PCDHA8: variants seen among roughly 807,000 people sequenced by gnomAD.
PCDHA8 encodes the protein protocadherin alpha 8.
PCDHA8 carries 53 observed loss-of-function variants against 61.8 expected under a neutral mutation model. The observed-to-expected ratio is 0.86, with a 90% CI of 0.69 to 1.08. PCDHA8 has a LOEUF of 1.08. Among genes scored for constraint, PCDHA8 ranks in the 50% least tolerant of loss-of-function variants. The pLI, the probability that PCDHA8 is intolerant of heterozygous loss-of-function variation, is 0.00. For missense variants in PCDHA8, 1,293 were observed against 1,245.0 expected, an observed-to-expected ratio of 1.04 and a Z score of -0.58; for synonymous variants, 618 against 556.6, an observed-to-expected ratio of 1.11 and a Z score of -1.55.
intron 1 of PCDHA8, among the ~76,000 whole-genome samples, chr5:140,977,960 A>G (rs760810328): frequency 9.2e-5 from 14 of 152,142 alleles, no homozygotes; most frequent in Non-Finnish European, 1.3e-4. Flanking sequence ...GGCCACCTCA[A>G]TCTCCGCCCA....
intron 1 of PCDHA8, among the ~76,000 whole-genome samples, chr5:140,887,995 G>A (rs537858803): frequency 8.5e-5 from 13 of 152,066 alleles, no homozygotes; most frequent in South Asian, 6.2e-4. Context: ...TGTCTCCACC[G>A]AATAGTCATC....
chr5:140,855,802 G>C (rs1329894390), intron 1 of PCDHA8: 4 of 477,838 alleles, frequency 8.4e-6, no homozygotes, highest in Non-Finnish European at 1.5e-5. Context: ...ACATATGAAT[G>C]AAAGAAAAGT....
chr5:140,927,946 G>A (rs1341193072), intron 1 of PCDHA8: 1 of 1,614,096 alleles, frequency 6.2e-7, no homozygotes, highest in East Asian at 2.2e-5. Context: ...AGTACCTGAG[G>A]ACGCTGCCCC....
intron 1 of PCDHA8, chr5:140,869,097 G>T (rs1344358126): frequency 1.3e-6 from 2 of 1,595,318 alleles, no homozygotes; most frequent in Non-Finnish European, 1.7e-6. Flanking sequence ...AGCCAATTTC[G>T]TATGCGATGT....
chr5:140,977,630 C>T (rs2096769145), intron 1 of PCDHA8, among the ~76,000 whole-genome samples: 1 of 152,148 alleles, frequency 6.6e-6, no homozygotes, highest in African/African-American at 2.4e-5. Flanking sequence ...AGAGTTGTAA[C>T]TTTTTCTGGG....
At chr5:140,888,956 G>A (rs1043287613) in intron 1 of PCDHA8, among the ~76,000 whole-genome samples, 1 of 151,722 alleles carries the variant, frequency 6.6e-6, no homozygotes, top group Non-Finnish European at 1.5e-5. Context: ...TTTTTCTTTG[G>A]CAATGTTAAT....
intron 1 of PCDHA8, chr5:140,884,448 CCACCGAGGGCGCGTGCGCGCCGGG>C (rs1244657512): frequency 1.9e-6 from 3 of 1,613,716 alleles, no homozygotes; most frequent in Non-Finnish European, 2.5e-6. Context: ...TCGGCACCGC[CCACCGAGGGCGCGTGCGCGCCGGG>C]CAAGCCCACT....
At chr5:140,918,853 C>T (rs1348069562) in intron 1 of PCDHA8, among the ~76,000 whole-genome samples, 4 of 152,134 alleles carry the variant, frequency 2.6e-5, no homozygotes, top group Non-Finnish European at 5.9e-5. Context: ...CTGCTGGTGC[C>T]TGAATCATGA....
At chr5:140,912,292 C>A (rs527420621) in intron 1 of PCDHA8, among the ~76,000 whole-genome samples, 13 of 152,184 alleles carry the variant, frequency 8.5e-5, no homozygotes, top group Non-Finnish European at 1.8e-4. Context: ...CAATACTTTG[C>A]CTCCTGTAAT....
At chr5:140,924,839 G>A (rs1049952478) in intron 1 of PCDHA8, among the ~76,000 whole-genome samples, 3 of 150,922 alleles carry the variant, frequency 2.0e-5, no homozygotes, top group Non-Finnish European at 4.4e-5. Context: ...AGGTTGCAGG[G>A]AGCTCAGATC....
At position 140,846,681 on chromosome 5, in the gene PCDHA8, C is replaced by T. The variant is rs1425082989; in HGVS notation, c.2394+2966C>T. Reference sequence around the variant, plus strand: ...GAGCCACCGCGCCCAGCCTAAAATGCTTTCTTAGCAAGTAGAGAAGATTGT... The same window carrying T: ...GAGCCACCGCGCCCAGCCTAAAATGTTTTCTTAGCAAGTAGAGAAGATTGT... On this transcript the variant is annotated intron_variant, in intron 1 of 3. Coordinates refer to ENST00000531613, the MANE Select transcript of PCDHA8 (RefSeq NM_018911.3). Among the ~76,000 whole-genome samples, 2 of 149,174 alleles carry T rather than the reference C, an allele frequency of 1.3e-5. 1 individual carries two copies. The highest frequency in any genetic ancestry group is 1.3e-4 in the Admixed American group (2 of 14,874).
chr5:140,966,893 C>CA (rs1554228863), intron 1 of PCDHA8: 3 of 1,595,686 alleles, frequency 1.9e-6, no homozygotes, highest in African/African-American at 1.3e-5. Context: ...TGCGGCCTCC[C>CA]AGCTGCGATA....
chr5:140,899,721 T>C (rs1415074846), intron 1 of PCDHA8, among the ~76,000 whole-genome samples: 1 of 152,250 alleles, frequency 6.6e-6, no homozygotes, highest in Non-Finnish European at 1.5e-5. Flanking sequence ...GATTCCCTCT[T>C]TTTCTATTGA....
intron 3 of PCDHA8, among the ~76,000 whole-genome samples, chr5:140,986,901 A>G (rs1289100953): frequency 6.6e-6 from 1 of 152,134 alleles, no homozygotes; most frequent in Non-Finnish European, 1.5e-5. Context: ...GCCCTATCCT[A>G]GACTAATGAA....
intron 1 of PCDHA8, among the ~76,000 whole-genome samples, chr5:140,939,276 C>T (rs146183157): frequency 6.6e-6 from 1 of 152,174 alleles, no homozygotes; most frequent in Non-Finnish European, 1.5e-5. Flanking sequence ...GAGAGCTGTG[C>T]CCTCGTGATC....
chr5:140,954,673 CTT>C (rs1173553071), intron 1 of PCDHA8, among the ~76,000 whole-genome samples: 2 of 152,076 alleles, frequency 1.3e-5, no homozygotes, highest in South Asian at 4.1e-4. Flanking sequence ...GGATATTAGA[CTT>C]TTGTCAGATG....
At chr5:140,872,306 G>A (rs897321353) in intron 1 of PCDHA8, among the ~76,000 whole-genome samples, 4 of 151,928 alleles carry the variant, frequency 2.6e-5, no homozygotes, top group African/African-American at 9.7e-5. Context: ...CTTATATGCT[G>A]CTTTATGGAA....
In PCDHA8 at chr5:140,929,414, A is replaced by G. The variant is rs1174756115; in HGVS notation, c.2395-49535A>G. The G allele has an allele frequency of 6.6e-6, 10 of 1,504,304 alleles. No individual in the cohort carries two copies. The East Asian group carries it at 1.1e-4, about 17-fold the overall frequency. 93.2% of individuals were successfully genotyped at this position (1,504,304 alleles called of 1,614,324 possible). A position where few individuals can be genotyped will look rare whatever the true frequency, so the allele number is the denominator to read the frequency against. On this transcript the variant is annotated intron_variant, in intron 1 of 3. Transcript: ENST00000531613. ...ATATTTCTTAGACAAGCCTTTCACA[A>G]CATTTCATCAATTGAACTAAACACT...
rs1290626143 is a variant in PCDHA8 at position 141,010,228 on chromosome 5, C to G, written c.*291C>G. On this transcript the variant is annotated 3_prime_UTR_variant, in exon 4 of 4. Transcript: ENST00000531613. ...CCGCAAAGGAGAGGCTTCCCAGCCC[C>G]GCCAGTGAGAGGTTGGACTCTCTGC... The G allele has an allele frequency of 1.1e-5, 17 of 1,551,916 alleles. No individual in the cohort carries two copies. Among genetic ancestry groups the G allele is most frequent in the Non-Finnish European group, 1.5e-5 (17 of 1,147,054 alleles).
Sources: gnomAD v4.1 joint callset for allele counts (sites outside exome capture counted in the v4.1 genomes callset) on GRCh38, gnomAD v4.1.1 for gene constraint, MANE v1.5 for transcripts, NCBI Gene and HGNC (gene_info 2026-07-23, HGNC 2026-07-21) for gene names.